The following DPYD variants were observed in gnomAD, a reference collection of about 807,000 sequenced individuals.
The protein encoded by DPYD is dihydropyrimidine dehydrogenase [NADP(+)].
Under a neutral mutation model 116.2 loss-of-function variants are expected in DPYD, and 109 were observed. That is an observed-to-expected ratio of 0.94 (90% CI 0.80 to 1.10). DPYD has a LOEUF of 1.10. Ranked by LOEUF, DPYD falls within the 50% of genes least tolerant of loss-of-function variation. DPYD has a pLI of 0.00. For missense variants in DPYD, 1,302 were observed against 1,254.5 expected, an observed-to-expected ratio of 1.04 and a Z score of -0.57; for synonymous variants, 440 against 432.0, an observed-to-expected ratio of 1.02 and a Z score of -0.23.
chr1:97,689,728 A>G (rs1313016750), intron 7 of DPYD, among the ~76,000 whole-genome samples: 2 of 152,052 alleles, frequency 1.3e-5, no homozygotes, highest in African/African-American at 2.4e-5. Flanking sequence ...AAAAGGAGGT[A>G]ATGAGCACAG....
chr1:97,885,189 T>C (rs1672419833), intron 1 of DPYD, among the ~76,000 whole-genome samples: 1 of 152,040 alleles, frequency 6.6e-6, no homozygotes, highest in African/African-American at 2.4e-5. Flanking sequence ...CTTCCAAATC[T>C]AGATTCCATG....
intron 16 of DPYD, among the ~76,000 whole-genome samples, chr1:97,361,166 A>C (rs931334981): frequency 2.1e-4 from 32 of 152,226 alleles, no homozygotes; most frequent in Non-Finnish European, 2.5e-4. Context: ...ATCAGAGAAT[A>C]CTATAAACGT....
intron 20 of DPYD, among the ~76,000 whole-genome samples, chr1:97,141,760 A>G (rs936743778): frequency 6.6e-6 from 1 of 152,150 alleles, no homozygotes; most frequent in African/African-American, 2.4e-5. Context: ...TGGCTGACAC[A>G]TGGTAGGAAT....
intron 18 of DPYD, among the ~76,000 whole-genome samples, chr1:97,282,567 T>G (rs1295998973): frequency 6.6e-6 from 1 of 152,096 alleles, no homozygotes; most frequent in Non-Finnish European, 1.5e-5. Context: ...AAAATAAAAT[T>G]CAACTTTTTT....
intron 8 of DPYD, among the ~76,000 whole-genome samples, chr1:97,646,869 G>A (rs1658292918): frequency 6.6e-6 from 1 of 152,028 alleles, no homozygotes; most frequent in Non-Finnish European, 1.5e-5. Context: ...TACTTGAGTA[G>A]TTTCACCTAC....
intron 20 of DPYD, among the ~76,000 whole-genome samples, chr1:97,159,723 A>AG (rs1209046591): frequency 1.3e-5 from 2 of 152,080 alleles, no homozygotes; most frequent in Non-Finnish European, 2.9e-5. Flanking sequence ...ACTGTAGCTA[A>AG]GGAGATATGA....
intron 20 of DPYD, among the ~76,000 whole-genome samples, chr1:97,159,452 A>G (rs575792192): frequency 6.6e-6 from 1 of 152,100 alleles, no homozygotes; most frequent in South Asian, 2.1e-4. Context: ...TTGAAGTTCT[A>G]ATATATATTC....
chr1:97,805,423 T>TAAACA (rs551904642), intron 3 of DPYD, among the ~76,000 whole-genome samples: 96 of 151,928 alleles, frequency 6.3e-4, no homozygotes, highest in African/African-American at 2.1e-3. Context: ...TTGCTTGAAA[T>TAAACA]AAACAAAACA....
chr1:97,268,171 A>C lies in DPYD; in HGVS notation c.2300-33177T>G, dbSNP rs569364863. Among the ~76,000 whole-genome samples the C allele has an allele frequency of 1.4e-4, 22 of 152,310 alleles. No homozygotes were observed. In the South Asian group the frequency reaches 4.6e-3, roughly 32 times the overall value. ...ACTCTATGTCCCACCTCCTGGACACACTGGGGCAGGGGTTGGGCCCCTAGG... is the reference window on the plus strand; with the variant it reads ...ACTCTATGTCCCACCTCCTGGACACCCTGGGGCAGGGGTTGGGCCCCTAGG... On this transcript the variant is annotated intron_variant, in intron 18 of 22. Coordinates refer to ENST00000370192, the MANE Select transcript of DPYD (RefSeq NM_000110.4).
intron 6 of DPYD, among the ~76,000 whole-genome samples, chr1:97,693,567 T>C (rs1571202327): frequency 6.6e-6 from 1 of 152,252 alleles, no homozygotes; most frequent in African/African-American, 2.4e-5. Flanking sequence ...TTAACAACTA[T>C]GGACTGTATG....
chr1:97,445,112 T>C (rs1056008783), intron 14 of DPYD, among the ~76,000 whole-genome samples: 1 of 152,132 alleles, frequency 6.6e-6, no homozygotes, highest in Non-Finnish European at 1.5e-5. Flanking sequence ...ATAAGCAATA[T>C]AAAAACAATT....
At chr1:97,842,580 A>G (rs1260754826) in intron 2 of DPYD, among the ~76,000 whole-genome samples, 1 of 152,008 alleles carries the variant, frequency 6.6e-6, no homozygotes, top group Non-Finnish European at 1.5e-5. Flanking sequence ...GCAACTATTA[A>G]TACCTTTTAC....
intron 3 of DPYD, among the ~76,000 whole-genome samples, chr1:97,822,071 T>C (rs921316470): frequency 2.6e-5 from 4 of 151,562 alleles, no homozygotes; most frequent in Non-Finnish European, 5.9e-5. Flanking sequence ...TCATAATATA[T>C]TCCCATTACA....
chr1:97,798,739 GTTA>G (rs879800365), intron 3 of DPYD, among the ~76,000 whole-genome samples: 5 of 151,952 alleles, frequency 3.3e-5, no homozygotes, highest in Non-Finnish European at 5.9e-5. Context: ...AAAGCTTGTT[GTTA>G]TTGTTATCTT....
At chr1:97,812,462 A>G (rs770020854) in intron 3 of DPYD, among the ~76,000 whole-genome samples, 4 of 152,128 alleles carry the variant, frequency 2.6e-5, no homozygotes, top group Non-Finnish European at 5.9e-5. Flanking sequence ...TGTGTGTATA[A>G]TATTTATGTA....
At chr1:97,201,871 C>G (rs1383131399) in intron 19 of DPYD, among the ~76,000 whole-genome samples, 2 of 150,366 alleles carry the variant, frequency 1.3e-5, no homozygotes, top group East Asian at 3.9e-4. Flanking sequence ...CTTCTGAGAT[C>G]TCAAATGCTT....
intron 18 of DPYD, among the ~76,000 whole-genome samples, chr1:97,258,413 G>A (rs60750780): frequency 1.1e-3 from 167 of 152,286 alleles, no homozygotes; most frequent in African/African-American, 3.8e-3. Context: ...GGCTGCTCCC[G>A]CCTTCCATCC....
intron 2 of DPYD, among the ~76,000 whole-genome samples, chr1:97,847,323 T>C (rs1231130331): frequency 6.6e-6 from 1 of 152,148 alleles, no homozygotes; most frequent in Non-Finnish European, 1.5e-5. Context: ...ATATGTAACA[T>C]ACAAACTGAA....
rs144554217 is a variant in DPYD, at chr1:97,551,545, T to C, written c.1340-1801A>G. On this transcript the variant is annotated intron_variant, in intron 11 of 22. Coordinates refer to ENST00000370192, the MANE Select transcript of DPYD (RefSeq NM_000110.4). ...ACTTTGGCCTACAACAGATCTGAAA[T>C]AAAGATAATTAATAAAAAGATAAGA... Among the ~76,000 whole-genome samples, 1,009 of 152,200 alleles carry C rather than the reference T, an allele frequency of 6.6e-3. 13 individuals are homozygous for C. The highest frequency in any genetic ancestry group is 0.023 in the African/African-American group (955 of 41,566).
Sources: gnomAD v4.1 joint callset for allele counts (sites outside exome capture counted in the v4.1 genomes callset) on GRCh38, gnomAD v4.1.1 for gene constraint, MANE v1.5 for transcripts, NCBI Gene and HGNC (gene_info 2026-07-23, HGNC 2026-07-21) for gene names.